CCM2: variants seen among roughly 807,000 people sequenced by gnomAD.
CCM2 encodes the protein cerebral cavernous malformations 2 protein.
A neutral mutation model predicts 44.9 loss-of-function variants in CCM2; 25 were observed. The observed-to-expected ratio is 0.56, with a 90% CI of 0.41 to 0.78. The LOEUF is 0.78. Ranked by LOEUF, CCM2 falls within the 30% of genes least tolerant of loss-of-function variation. The probability of loss-of-function intolerance (pLI) is 0.00; values close to 1 mark genes in which losing one functional copy is unlikely to be tolerated. For synonymous variants in CCM2, 219 were observed against 241.1 expected, an observed-to-expected ratio of 0.91 and a Z score of 0.85; for missense variants, 481 against 580.6, an observed-to-expected ratio of 0.83 and a Z score of 1.76.
chr7:45,069,414 T>C (rs890103044), intron 5 of CCM2, among the ~76,000 whole-genome samples: 2 of 152,246 alleles, frequency 1.3e-5, no homozygotes, highest in Admixed American at 6.5e-5. Context: ...AGCACACTGT[T>C]ATAAAACTGT....
intron 1 of CCM2, among the ~76,000 whole-genome samples, chr7:45,031,506 G>T (rs1327222822): frequency 6.6e-6 from 1 of 151,922 alleles, no homozygotes; most frequent in Non-Finnish European, 1.5e-5. Context: ...AGTCTTTCAG[G>T]TAGCTAGGAC....
intron 2 of CCM2, among the ~76,000 whole-genome samples, chr7:45,043,350 CAG>C (rs1265526205): frequency 6.6e-6 from 1 of 152,154 alleles, no homozygotes; most frequent in Non-Finnish European, 1.5e-5. Context: ...AAAGAAATAA[CAG>C]ACACCAATAC....
intron 1 of CCM2, among the ~76,000 whole-genome samples, chr7:45,016,821 CAG>C (rs1292420270): frequency 3.3e-5 from 5 of 152,192 alleles, no homozygotes; most frequent in African/African-American, 1.2e-4. Context: ...TTGGTAGAGA[CAG>C]GGTTTCACCA....
intron 5 of CCM2, among the ~76,000 whole-genome samples, chr7:45,069,050 G>A (rs916793369): frequency 6.6e-6 from 1 of 152,242 alleles, no homozygotes; most frequent in Non-Finnish European, 1.5e-5. Flanking sequence ...CTCACAACCT[G>A]GAAGAGCCAA....
chr7:45,067,327 A>G (rs941144943), intron 4 of CCM2, among the ~76,000 whole-genome samples: 1 of 150,700 alleles, frequency 6.6e-6, no homozygotes, highest in Non-Finnish European at 1.5e-5. Context: ...CGCCCAGCTA[A>G]TTTTTTTGTA....
intron 1 of CCM2, among the ~76,000 whole-genome samples, chr7:45,011,866 T>C (rs1796079801): frequency 6.6e-6 from 1 of 152,142 alleles, no homozygotes; most frequent in Non-Finnish European, 1.5e-5. Context: ...GGCTAACTTT[T>C]TAAAAAGTTT....
At chr7:45,045,240 G>A (rs944174414) in intron 2 of CCM2, among the ~76,000 whole-genome samples, 9 of 152,130 alleles carry the variant, frequency 5.9e-5, no homozygotes, top group Non-Finnish European at 5.9e-5. Flanking sequence ...AAAAATCAGC[G>A]CCTGGTTTCC....
chr7:45,038,038 C>T (rs190760952), intron 1 of CCM2, among the ~76,000 whole-genome samples: 1 of 152,164 alleles, frequency 6.6e-6, no homozygotes, highest in Admixed American at 6.5e-5. Context: ...CCAGAGGCTG[C>T]ATGGCAGCCC....
chr7:45,054,768 C>G (rs1182727316), intron 2 of CCM2, among the ~76,000 whole-genome samples: 1 of 152,184 alleles, frequency 6.6e-6, no homozygotes, highest in African/African-American at 2.4e-5. Context: ...TGTAGCTGTG[C>G]TCTTGGCTTG....
At chr7:45,070,607 T>G (rs1056645913) in intron 6 of CCM2, 4 of 356,378 alleles carry the variant, frequency 1.1e-5, no homozygotes, top group African/African-American at 6.4e-5. Context: ...GTTTTTCAGA[T>G]GTATTACTTA....
chr7:45,014,178 T>C lies in CCM2; in HGVS notation c.30+13815T>C, dbSNP rs187446240. Among the ~76,000 whole-genome samples, 80 of 152,280 alleles carry C rather than the reference T, an allele frequency of 5.3e-4. 1 individual carries two copies. Among genetic ancestry groups the C allele is most frequent in the African/African-American group, 1.9e-3 (77 of 41,558 alleles). ...TTTTTGAGATGGTGTCTTACTCTGT[T>C]GCCCAGGCCGGAGTGCAGTGGCACA... On this transcript the variant is annotated intron_variant, in intron 1 of 9. Transcript: ENST00000258781.
intron 1 of CCM2, chr7:45,027,652 G>A: frequency 6.2e-7 from 1 of 1,613,850 alleles, no homozygotes; most frequent in African/African-American, 1.3e-5. Flanking sequence ...TTTTTTCAGA[G>A]GGAGGGCTAA....
intron 1 of CCM2, among the ~76,000 whole-genome samples, chr7:45,015,732 C>A (rs1796239390): frequency 6.6e-6 from 1 of 152,110 alleles, no homozygotes; most frequent in Non-Finnish European, 1.5e-5. Flanking sequence ...TTAAGCGTGG[C>A]CCTGATGAAG....
At position 45,025,464 on chromosome 7, in the gene CCM2, G is replaced by A. The variant is rs1443459086; in HGVS notation, c.31-12789G>A. Among the ~76,000 whole-genome samples, 4 of 151,734 alleles carry A rather than the reference G, an allele frequency of 2.6e-5. No homozygotes were observed. In the South Asian group the frequency reaches 6.2e-4, roughly 24 times the overall value. On this transcript the variant is annotated intron_variant, in intron 1 of 9. Transcript: ENST00000258781. The stretch of plus-strand genomic sequence containing the variant: ...CGCTATGTCCTTGTTATTATTCTAC[G>A]AATTTTTTATTTTGGCAGTCATATT...
At chr7:45,035,286 AT>A (rs1797162719) in intron 1 of CCM2, among the ~76,000 whole-genome samples, 2 of 152,356 alleles carry the variant, frequency 1.3e-5, no homozygotes, top group Admixed American at 6.5e-5. Context: ...TTTTCAAAAA[AT>A]ATTTAAAAAT....
At chr7:45,015,028 C>A (rs548463719) in intron 1 of CCM2, among the ~76,000 whole-genome samples, 1 of 152,198 alleles carries the variant, frequency 6.6e-6, no homozygotes, top group East Asian at 1.9e-4. Flanking sequence ...CACTTTCTTA[C>A]ATTTGCTAAA....
At chr7:45,065,813 C>T (rs865935675) in intron 4 of CCM2, among the ~76,000 whole-genome samples, 4 of 152,316 alleles carry the variant, frequency 2.6e-5, no homozygotes, top group African/African-American at 9.6e-5. Context: ...CATTACTCAC[C>T]CTATCTGGCT....
At chr7:45,070,684 C>T (rs1316674107) in intron 6 of CCM2, 2 of 262,494 alleles carry the variant, frequency 7.6e-6, no homozygotes, top group South Asian at 3.4e-5. Flanking sequence ...TGTGGTGGCT[C>T]ATGCCTGTAA....
At chr7:45,053,708 G>A (rs947400598) in intron 2 of CCM2, among the ~76,000 whole-genome samples, 1 of 152,130 alleles carries the variant, frequency 6.6e-6, no homozygotes, top group Non-Finnish European at 1.5e-5. Flanking sequence ...CTTCCCCTTC[G>A]GAGGCTGGCC....
Sources: gnomAD v4.1 joint callset for allele counts (sites outside exome capture counted in the v4.1 genomes callset) on GRCh38, gnomAD v4.1.1 for gene constraint, MANE v1.5 for transcripts, NCBI Gene and HGNC (gene_info 2026-07-23, HGNC 2026-07-21) for gene names.